Variants in PCDHGA8 observed in about 807,000 individuals in gnomAD.
PCDHGA8 encodes the protein protocadherin gamma subfamily A, 8.
PCDHGA8 carries 45 observed loss-of-function variants against 59.2 expected under a neutral mutation model. The observed-to-expected ratio is 0.76, with a 90% CI of 0.60 to 0.98. The LOEUF (loss-of-function observed/expected upper bound fraction) is 0.98, where lower values mean the gene tolerates loss of function less well. Ranked by LOEUF, PCDHGA8 falls within the 50% of genes least tolerant of loss-of-function variation. PCDHGA8 has a pLI of 0.00. For missense variants in PCDHGA8, 1,257 were observed against 1,196.2 expected (o/e 1.05, Z -0.75); for synonymous variants, 531 against 519.0 (o/e 1.02, Z -0.32).
rs184835272 is a variant in PCDHGA8, at chr5:141,470,234, C to A, written c.2425-24573C>A. ...AACCATTCAGCTTCTTCACCAAACC[C>A]TTGAATGTCCCACCTGTCTAAATGG... On this transcript the variant is annotated intron_variant, in intron 1 of 3. Transcript: ENST00000398604. Among the ~76,000 whole-genome samples, 6 of 152,288 alleles carry A rather than the reference C, an allele frequency of 3.9e-5. No individual in the cohort carries two copies. The East Asian group carries it at 9.6e-4, about 24-fold the overall frequency.
intron 1 of PCDHGA8, among the ~76,000 whole-genome samples, chr5:141,492,886 C>A (rs1479930324): frequency 6.6e-6 from 1 of 152,178 alleles, no homozygotes; most frequent in African/African-American, 2.4e-5. Context: ...GAGATACAGG[C>A]TTTTGGCGCC....
intron 1 of PCDHGA8, among the ~76,000 whole-genome samples, chr5:141,448,985 A>G (rs2098621528): frequency 6.6e-6 from 1 of 152,026 alleles, no homozygotes; most frequent in South Asian, 2.1e-4. Context: ...TTCCATATTA[A>G]TATATAGAAA....
rs1378140695 is a variant in PCDHGA8, at chr5:141,485,189, A to G, written c.2425-9618A>G. On this transcript the variant is annotated intron_variant, in intron 1 of 3. Transcript: ENST00000398604. The surrounding 1 kb of genome is among the most constrained non-coding windows in gnomAD (Gnocchi z 5.7). ...GGCGGCAGCAATGCTCCGCAAGGTGAGAAGCTGGACAGAAATCTGGCGGTG... is the reference window on the plus strand; with the variant it reads ...GGCGGCAGCAATGCTCCGCAAGGTGGGAAGCTGGACAGAAATCTGGCGGTG... 1 of 1,613,726 alleles carries G rather than the reference A, an allele frequency of 6.2e-7. No homozygotes were observed. The highest frequency in any genetic ancestry group is 1.7e-5 in the Admixed American group (1 of 60,020).
chr5:141,412,931 T>C (rs1010992022), intron 1 of PCDHGA8: 5 of 453,108 alleles, frequency 1.1e-5, no homozygotes, highest in African/African-American at 2.0e-5. Flanking sequence ...CAGTAACTTC[T>C]TAGGACTCTG....
In PCDHGA8 at chr5:141,415,740, GTTTTTTTTTT is replaced by G. The variant is rs57426385; in HGVS notation, c.2424+20526_2424+20535del. The G allele has an allele frequency of 4.3e-3, 2,655 of 623,934 alleles. 2 individuals carry two copies. The highest frequency in any genetic ancestry group is 4.3e-3 in the Non-Finnish European group (2,016 of 468,394). The allele number at this position is 623,934 out of a possible 1,614,324, so 38.6% of individuals were successfully genotyped here. ...TGAGTAGAATTTGATGTTTATTAAG[GTTTTTTTTTT>G]TTTTTTTTTTTTTTTTTTTTTTACT... On this transcript the variant is annotated intron_variant, in intron 1 of 3. Coordinates refer to ENST00000398604, the MANE Select transcript of PCDHGA8 (RefSeq NM_032088.2).
chr5:141,463,467 G>A (rs200270457), intron 1 of PCDHGA8, among the ~76,000 whole-genome samples: 2,116 of 11,250 alleles, frequency 0.19, 39 homozygotes, highest in East Asian at 0.24. Context: ...TTTTTTTTTT[G>A]AGATGGAGTC....
At chr5:141,497,060 G>T (rs1244885752) in intron 2 of PCDHGA8, among the ~76,000 whole-genome samples, 1 of 151,952 alleles carries the variant, frequency 6.6e-6, no homozygotes, top group Non-Finnish European at 1.5e-5. Context: ...GTGGTGGCAG[G>T]CACCTGTAAT....
intron 1 of PCDHGA8, chr5:141,400,748 C>A: frequency 5.0e-6 from 3 of 604,576 alleles, no homozygotes; most frequent in Non-Finnish European, 8.6e-6. Context: ...TTGCTCTTAG[C>A]TTCCTCTCTA....
At position 141,487,047 on chromosome 5, in the gene PCDHGA8, C is replaced by T; in HGVS notation, c.2425-7760C>T. The T allele has an allele frequency of 6.2e-7, 1 of 1,614,188 alleles. No individual in the cohort carries two copies. Among genetic ancestry groups the T allele is most frequent in the Non-Finnish European group, 8.5e-7 (1 of 1,180,032 alleles). ...AGCCTGTTTGCAGTCTCTCGATATGCTGGGGAGGTGCGGACGGCTGTTCCT... is the reference window on the plus strand; with the variant it reads ...AGCCTGTTTGCAGTCTCTCGATATGTTGGGGAGGTGCGGACGGCTGTTCCT... On this transcript the variant is annotated intron_variant, in intron 1 of 3. Coordinates refer to ENST00000398604, the MANE Select transcript of PCDHGA8 (RefSeq NM_032088.2). This position sits in a 1 kb window ranked among gnomAD's most constrained non-coding sequence, Gnocchi z 5.0.
At chr5:141,430,909 G>A (rs1054175762) in intron 1 of PCDHGA8, 2 of 1,607,160 alleles carry the variant, frequency 1.2e-6, no homozygotes, top group Non-Finnish European at 1.7e-6. Context: ...ACATCTCCAG[G>A]GACCTGGGGC....
intron 1 of PCDHGA8, chr5:141,433,145 G>C (rs2097571427): frequency 6.2e-7 from 1 of 1,613,922 alleles, no homozygotes; most frequent in Non-Finnish European, 8.5e-7. Flanking sequence ...GCTGTCAGGT[G>C]ATTCGGTATT....
At chr5:141,415,342 T>C (rs1305683222) in intron 1 of PCDHGA8, 2 of 1,614,108 alleles carry the variant, frequency 1.2e-6, no homozygotes, top group African/African-American at 2.7e-5. Context: ...GCTGCGGCGC[T>C]GGCACAAGTC....
intron 1 of PCDHGA8, chr5:141,430,838 G>C (rs866767896): frequency 1.3e-6 from 2 of 1,563,026 alleles, no homozygotes; most frequent in Middle Eastern, 1.7e-4. Context: ...GTGGGAGACC[G>C]GATGCACCCA....
At chr5:141,416,011 G>A (rs2095982763) in intron 1 of PCDHGA8, 2 of 239,912 alleles carry the variant, frequency 8.3e-6, no homozygotes, top group Non-Finnish European at 7.8e-6. Flanking sequence ...GGTAAGAATA[G>A]GTAAGTATCA....
chr5:141,425,177 GGAATTCCAAACTGA>G (rs2096860295), intron 1 of PCDHGA8, among the ~76,000 whole-genome samples: 1 of 152,036 alleles, frequency 6.6e-6, no homozygotes, highest in South Asian at 2.1e-4. Flanking sequence ...TTATACTTGT[GGAATTCCAAACTGA>G]GAAAAATGAT....
intron 1 of PCDHGA8, chr5:141,421,377 C>T (rs1168242339): frequency 1.9e-6 from 3 of 1,613,924 alleles, no homozygotes; most frequent in South Asian, 1.1e-5. Context: ...GCAATATCTC[C>T]AAGGACCTGG....
chr5:141,466,099 G>A (rs879849411), intron 1 of PCDHGA8, among the ~76,000 whole-genome samples: 2 of 151,938 alleles, frequency 1.3e-5, no homozygotes, highest in Non-Finnish European at 2.9e-5. Context: ...TCCAGCCTGG[G>A]CAACAGAGTG....
At chr5:141,468,877 T>C (rs1321110515) in intron 1 of PCDHGA8, among the ~76,000 whole-genome samples, 2 of 149,546 alleles carry the variant, frequency 1.3e-5, no homozygotes, top group African/African-American at 4.9e-5. Context: ...AAAATAATAA[T>C]AATAATAATA....
At chr5:141,508,029 A>C (rs941166006) in intron 3 of PCDHGA8, 10 of 152,264 alleles carry the variant, frequency 6.6e-5, no homozygotes, top group African/African-American at 2.4e-4. Flanking sequence ...TGCGGTTTGC[A>C]GCTCAGCCAG....
Sources: gnomAD v4.1 joint callset for allele counts (sites outside exome capture counted in the v4.1 genomes callset) on GRCh38, gnomAD v4.1.1 for gene constraint, Gnocchi (gnomAD v3.1) non-coding constraint, MANE v1.5 for transcripts, NCBI Gene and HGNC (gene_info 2026-07-23, HGNC 2026-07-21) for gene names.